The following ZNF324B variants were observed in gnomAD, a reference collection of about 807,000 sequenced individuals.
ZNF324B encodes the protein zinc finger protein 324B.
In ZNF324B, 7 loss-of-function variants were observed where a neutral mutation model predicts 10.6. The ratio of observed to expected loss-of-function variants is 0.66; its 90% CI spans 0.38 to 1.24. The LOEUF is 1.24. Ranked by LOEUF, ZNF324B falls within the 50% of genes most tolerant of loss-of-function variation. The probability of loss-of-function intolerance (pLI) is 0.02; values close to 1 mark genes in which losing one functional copy is unlikely to be tolerated. For missense variants in ZNF324B, 640 were observed against 764.7 expected, an observed-to-expected ratio of 0.84 and a Z score of 1.92; for synonymous variants, 316 against 321.0, an observed-to-expected ratio of 0.98 and a Z score of 0.17.
At chr19:58,420,310 T>A in the ZNF324B span, among the ~76,000 whole-genome samples, 1 of 152,020 alleles carries the variant, frequency 6.6e-6, no homozygotes, top group Non-Finnish European at 1.5e-5. Context: ...TCCCAGCTAC[T>A]TGGGAGGCTG....
At chr19:58,441,193 C>T in the ZNF324B span, 1 of 152,268 alleles carries the variant, frequency 6.6e-6, no homozygotes, top group Non-Finnish European at 1.5e-5. Flanking sequence ...GCCTGGGAGC[C>T]ATGAAAGGTG....
At chr19:58,427,371 T>TC in the ZNF324B span, among the ~76,000 whole-genome samples, 85 of 46,100 alleles carry the variant, frequency 1.8e-3, 3 homozygotes, top group African/African-American at 6.2e-3. Flanking sequence ...TCTTTCTTTC[T>TC]TTCTTTCTTT....
At chr19:58,451,391 G>A (rs979923352), upstream of ZNF324B, among the ~76,000 whole-genome samples, 4 of 152,258 alleles carry the variant, frequency 2.6e-5, no homozygotes, top group African/African-American at 9.6e-5. Flanking sequence ...CAACCTGCCG[G>A]GCGACTCAAC....
chr19:58,432,492 A>G, the ZNF324B span, among the ~76,000 whole-genome samples: 4 of 152,110 alleles, frequency 2.6e-5, no homozygotes, highest in Admixed American at 6.6e-5. Context: ...GTGTTTCTCT[A>G]TGCACATAGA....
upstream of ZNF324B, among the ~76,000 whole-genome samples, chr19:58,449,477 C>T (rs550657980): frequency 5.7e-4 from 86 of 152,194 alleles, no homozygotes; most frequent in Non-Finnish European, 8.5e-4. Flanking sequence ...TTGGACCACG[C>T]ACCCGGAAAA....
At chr19:58,440,100 G>A in the ZNF324B span, 2 of 473,284 alleles carry the variant, frequency 4.2e-6, no homozygotes, top group Non-Finnish European at 7.4e-6. Flanking sequence ...CCCTGGTGTG[G>A]CTCCAGAGGC....
chr19:58,419,472 G>T, the ZNF324B span, among the ~76,000 whole-genome samples: 1 of 152,180 alleles, frequency 6.6e-6, no homozygotes, highest in Non-Finnish European at 1.5e-5. Context: ...TTCTAAAGAG[G>T]CATCCACAAA....
At position 58,456,817 on chromosome 19, in the gene ZNF324B, A is replaced by G. The variant is rs1452134864; in HGVS notation, c.*238A>G. 1.0e-5 allele frequency: 6 copies of G among 591,472 alleles called. No individual in the cohort carries two copies. Among genetic ancestry groups the G allele is most frequent in the African/African-American group, 1.9e-5 (1 of 53,814 alleles). The allele number at this position is 591,472 out of a possible 1,614,324, so 36.6% of individuals were successfully genotyped here. ...ACTGCAGAAACATCAGAGGGAGGAC[A>G]TGTCAGCTGGAACTCTGGTGGGGCT... is the stretch of plus-strand genomic sequence containing the variant. On this transcript the variant is annotated 3_prime_UTR_variant, in exon 4 of 4. Coordinates refer to ENST00000336614, the MANE Select transcript of ZNF324B (RefSeq NM_207395.3). The surrounding 1 kb of genome is among the most constrained non-coding windows in gnomAD (Gnocchi z 4.7).
At chr19:58,433,925 T>A in the ZNF324B span, 1 of 1,614,144 alleles carries the variant, frequency 6.2e-7, no homozygotes, top group Non-Finnish European at 8.5e-7. Context: ...GTATGTACTT[T>A]CTGGTGCTGG....
chr19:58,428,649 A>G, the ZNF324B span: 1 of 152,200 alleles, frequency 6.6e-6, no homozygotes, highest in African/African-American at 2.4e-5. Flanking sequence ...GGAAATCCAC[A>G]AAATATTTAT....
chr19:58,433,443 T>C, the ZNF324B span: 1 of 1,614,080 alleles, frequency 6.2e-7, no homozygotes, highest in Non-Finnish European at 8.5e-7. Flanking sequence ...CAAGTGTAGA[T>C]CTTTCACTAA....
chr19:58,453,462 C>T (rs1226274952), intron 1 of ZNF324B, among the ~76,000 whole-genome samples: 1 of 152,202 alleles, frequency 6.6e-6, no homozygotes, highest in East Asian at 1.9e-4. Context: ...TTGCTCTAGC[C>T]TGCTTGTGTA....
the ZNF324B span, chr19:58,442,978 G>A: frequency 6.6e-6 from 1 of 151,900 alleles, no homozygotes; most frequent in Non-Finnish European, 1.5e-5. Context: ...CCCACATCCT[G>A]CTGATTGGTC....
the ZNF324B span, among the ~76,000 whole-genome samples, chr19:58,424,249 CAAAAG>C: frequency 6.6e-6 from 1 of 151,776 alleles, no homozygotes; most frequent in African/African-American, 2.4e-5. Context: ...AACTCAGTCT[CAAAAG>C]AACAAAATAA....
chr19:58,454,663 C>G (rs928731363), intron 3 of ZNF324B: 2 of 560,386 alleles, frequency 3.6e-6, no homozygotes, highest in Non-Finnish European at 6.3e-6. Flanking sequence ...TCAAATGTTT[C>G]CTGAGGGCTT....
the ZNF324B span, chr19:58,429,788 T>C: frequency 6.6e-6 from 1 of 152,218 alleles, no homozygotes; most frequent in East Asian, 1.9e-4. Context: ...TGTAATTCTC[T>C]CTAGAGAATG....
chr19:58,453,075 C>CAAAATA (rs2052876794), intron 1 of ZNF324B: 1 of 133,246 alleles, frequency 7.5e-6, no homozygotes, highest in Non-Finnish European at 1.6e-5. Flanking sequence ...ACTCCGTCTC[C>CAAAATA]AAAATAAAAA....
Position 58,455,542 on chromosome 19 carries a change from C to A in ZNF324B, c.598C>A (p.Gln200Lys). Reference protein sequence around the residue: ...RTPERQKPCAQEVPGRAFGNA... With the variant: ...RTPERQKPCAKEVPGRAFGNA... The stretch of plus-strand genomic sequence containing the variant: ...GCCTGAGCGGCAGAAGCCATGTGCA[C>A]AGGAGGTCCCTGGGAGAGCCTTCGG... Residue 200 changes from glutamine to lysine, a missense_variant, in exon 4 of 4, where the codon CAG becomes AAG. Transcript: ENST00000336614. The surrounding 1 kb of genome is among the most constrained non-coding windows in gnomAD (Gnocchi z 7.0). 1 of 1,614,090 alleles carries A rather than the reference C, an allele frequency of 6.2e-7. No individual in the cohort carries two copies. Among genetic ancestry groups the A allele is most frequent in the Non-Finnish European group, 8.5e-7 (1 of 1,180,022 alleles).
At chr19:58,432,157 A>T in the ZNF324B span, 385 of 377,334 alleles carry the variant, frequency 1.0e-3, 2 homozygotes, top group Non-Finnish European at 1.6e-3. Flanking sequence ...GTGACCAGAA[A>T]CCCTGGCCAG....
Sources: allele counts gnomAD v4.1 joint callset (sites outside exome capture counted in the v4.1 genomes callset), GRCh38; gene constraint gnomAD v4.1.1; non-coding constraint Gnocchi (gnomAD v3.1); transcripts MANE v1.5; gene names NCBI Gene and HGNC (gene_info 2026-07-23, HGNC 2026-07-21).